ADGRB1: variants seen among roughly 807,000 people sequenced by gnomAD.
ADGRB1 encodes brain-specific angiogenesis inhibitor 1.
Under a neutral mutation model 175.7 loss-of-function variants are expected in ADGRB1, and 36 were observed. The ratio of observed to expected loss-of-function variants is 0.20; its 90% CI spans 0.16 to 0.27. The LOEUF is 0.27. Ranked by LOEUF, ADGRB1 falls within the 10% of genes least tolerant of loss-of-function variation. The pLI, the probability that ADGRB1 is intolerant of heterozygous loss-of-function variation, is 1.00. For missense variants in ADGRB1, 1,731 were observed against 2,255.3 expected (o/e 0.77, Z 4.71); for synonymous variants, 1,054 against 979.4 (o/e 1.08, Z -1.42).
intron 1 of ADGRB1, among the ~76,000 whole-genome samples, chr8:142,451,056 C>T (rs1167036026): frequency 6.6e-6 from 1 of 152,188 alleles, no homozygotes; most frequent in Non-Finnish European, 1.5e-5. Context: ...GCCCCCGCCC[C>T]CTCCTGGGGA....
chr8:142,493,002 C>T lies in ADGRB1; in HGVS notation c.2675+2187C>T, dbSNP rs1842054577. On this transcript the variant is annotated intron_variant, in intron 17 of 30. Transcript: ENST00000517894. This position sits in a 1 kb window ranked among gnomAD's most constrained non-coding sequence, Gnocchi z 5.0. ...GCCCCTGCTGGTGGCCTTCAGGAGC[C>T]TTCCCTCTCTACCAGCATAAATGCC... 6.6e-6 allele frequency among the ~76,000 whole-genome samples: 1 copy of T among 152,022 alleles called. No individual in the cohort carries two copies. Among genetic ancestry groups the T allele is most frequent in the African/African-American group, 2.4e-5 (1 of 41,408 alleles).
At chr8:142,451,691 G>A (rs9324592) in intron 1 of ADGRB1, among the ~76,000 whole-genome samples, 29,218 of 152,142 alleles carry the variant, frequency 0.19, 3,334 homozygotes, top group African/African-American at 0.3. Context: ...AGCCGCCGCG[G>A]GGGAACAGCA....
At chr8:142,491,158 G>T (rs1293844162) in intron 17 of ADGRB1, among the ~76,000 whole-genome samples, 1 of 152,246 alleles carries the variant, frequency 6.6e-6, no homozygotes. Flanking sequence ...AGGTCTGCAG[G>T]TGGGTGCCAG....
chr8:142,533,147 G>A (rs1587431203), intron 24 of ADGRB1, 148 bp from the exon 25 acceptor site: 1 of 899,598 alleles, frequency 1.1e-6, no homozygotes, highest in South Asian at 1.9e-5. Flanking sequence ...TCACCCCAGA[G>A]AGGAAGGGCT....
Position 142,477,281 on chromosome 8 carries a change from G to A in ADGRB1, c.1222+3G>A. ...CAACAACTCTGCCGTGTGCCCAGGT[G>A]GGTGGGACCTTGGGCTGGGGCAGCG... On this transcript the variant is annotated splice_donor_region_variant and intron_variant, in intron 5 of 30. Coordinates refer to ENST00000517894, the MANE Select transcript of ADGRB1 (RefSeq NM_001702.3). 3 of 1,535,302 alleles carry A rather than the reference G, an allele frequency of 2.0e-6. No individual in the cohort carries two copies. Among genetic ancestry groups the A allele is most frequent in the Non-Finnish European group, 2.6e-6 (3 of 1,132,574 alleles).
Position 142,475,644 on chromosome 8 carries a change from G to C in ADGRB1, c.946+9G>C. 1 of 1,228,470 alleles carries C rather than the reference G, an allele frequency of 8.1e-7. No individual in the cohort carries two copies. The highest frequency in any genetic ancestry group is 1.0e-6 in the Non-Finnish European group (1 of 985,758). The allele number at this position is 1,228,470 out of a possible 1,614,324, so 76.1% of individuals were successfully genotyped here. On this transcript the variant is annotated intron_variant, in intron 3 of 30. Transcript: ENST00000517894. ...CCGCGAGGCCTGCGGCCGTGAGTGCGGGCGGGGCGGGGCGGAGCCGGAGCC... is the reference window on the plus strand; with the variant it reads ...CCGCGAGGCCTGCGGCCGTGAGTGCCGGCGGGGCGGGGCGGAGCCGGAGCC...
intron 1 of ADGRB1, among the ~76,000 whole-genome samples, chr8:142,451,865 G>A (rs1306187307): frequency 6.6e-6 from 1 of 152,188 alleles, no homozygotes; most frequent in Non-Finnish European, 1.5e-5. Context: ...GAGGCAACGA[G>A]GGAGGTCGAG....
intron 26 of ADGRB1, among the ~76,000 whole-genome samples, chr8:142,538,688 G>A (rs1253855570): frequency 2.0e-5 from 3 of 152,188 alleles, no homozygotes; most frequent in Non-Finnish European, 4.4e-5. Context: ...GGTCTGGGCC[G>A]CCCACTCCTG....
At chr8:142,534,372 T>TCTCTGGGCAGAGTGAACAGAGGGG (rs1844809448) in intron 25 of ADGRB1, among the ~76,000 whole-genome samples, 1 of 152,166 alleles carries the variant, frequency 6.6e-6, no homozygotes, top group Non-Finnish European at 1.5e-5. Flanking sequence ...TGGGCCTCAC[T>TCTCTGGGCAGAGTGAACAGAGGGG]CTCTGGGCAG....
intron 2 of ADGRB1, among the ~76,000 whole-genome samples, chr8:142,473,268 G>A (rs953630682): frequency 6.6e-5 from 10 of 152,294 alleles, no homozygotes; most frequent in Middle Eastern, 3.4e-3. Flanking sequence ...GGGGGGTGCC[G>A]CAGGACGTGC....
chr8:142,476,934 C>T (rs1170807997), intron 4 of ADGRB1, among the ~76,000 whole-genome samples, 180 bp from the exon 5 acceptor site: 1 of 152,216 alleles, frequency 6.6e-6, no homozygotes, highest in Non-Finnish European at 1.5e-5. Flanking sequence ...CCTCAGGGCT[C>T]CCAGCCTTGT....
At chr8:142,485,954 C>G (rs1051062442) in intron 13 of ADGRB1, among the ~76,000 whole-genome samples, 1 of 152,192 alleles carries the variant, frequency 6.6e-6, no homozygotes, top group Non-Finnish European at 1.5e-5. Context: ...CAAGTATGCC[C>G]GCTGAGGTCT....
At position 142,542,037 on chromosome 8, in the gene ADGRB1, A is replaced by G; in HGVS notation, c.3803A>G (p.His1268Arg). The G allele has an allele frequency of 6.2e-7, 1 of 1,610,882 alleles. No individual in the cohort carries two copies. The highest frequency in any genetic ancestry group is 8.5e-7 in the Non-Finnish European group (1 of 1,179,218). Reference protein sequence around the residue: ...LPEEEKLKLAHAKGPPTNFNS... With the variant: ...LPEEEKLKLARAKGPPTNFNS... ...GAGGAGGAGAAGCTGAAGCTGGCCC[A>G]TGCCAAGGGGCCGCCCACCAATTTC... The change falls in exon 28 of 31, where the codon CAT becomes CGT. Residue 1268 changes from histidine to arginine, a missense_variant. By Grantham distance (29) the His-to-Arg change is conservative. Around this residue, in one of 8 missense-constraint regions of ADGRB1, gnomAD observed 301 missense variants for 488.4 expected, o/e 0.62. Transcript: ENST00000517894. This position sits in a 1 kb window ranked among gnomAD's most constrained non-coding sequence, Gnocchi z 6.3.
intron 21 of ADGRB1, among the ~76,000 whole-genome samples, chr8:142,522,395 G>C (rs1400756494): frequency 1.3e-5 from 2 of 152,176 alleles, no homozygotes; most frequent in African/African-American, 2.4e-5. Context: ...GATGATTCCT[G>C]ATTTCTCTGC....
rs186245905 is a variant in ADGRB1, at chr8:142,487,535, C to T, written c.2309-829C>T. ...CTACTGATGCGCATGCCCTCTCCTC[C>T]TCTCCCTGCCGCATCTTGGGCTGCA... On this transcript the variant is annotated intron_variant, in intron 13 of 30. Transcript: ENST00000517894. Among the ~76,000 whole-genome samples the T allele has an allele frequency of 8.5e-5, 13 of 152,340 alleles. No homozygotes were observed. The East Asian group carries it at 1.7e-3, about 20-fold the overall frequency.
At chr8:142,522,240 T>G in intron 21 of ADGRB1, 125 bp downstream of exon 21, 1 of 1,359,008 alleles carries the variant, frequency 7.4e-7, no homozygotes, top group East Asian at 2.4e-5. Context: ...GCTGCTTGGG[T>G]GGGCTTCCCC....
chr8:142,505,018 C>T (rs968059128), intron 17 of ADGRB1, among the ~76,000 whole-genome samples: 1 of 122,336 alleles, frequency 8.2e-6, no homozygotes, highest in Non-Finnish European at 1.6e-5. Flanking sequence ...GCTTCGTGGG[C>T]CGGCAGGAGG....
rs542216331 is a variant in ADGRB1 at position 142,490,810 on chromosome 8, G to C, written c.2670G>C (p.Thr890=). The C allele has an allele frequency of 2.5e-6, 4 of 1,582,996 alleles. No homozygotes were observed. Among genetic ancestry groups the C allele is most frequent in the Non-Finnish European group, 3.4e-6 (4 of 1,164,294 alleles). The change falls in exon 17 of 31, where the codon ACG becomes ACC. Residue 890 remains threonine, a synonymous_variant. Coordinates refer to ENST00000517894, the MANE Select transcript of ADGRB1 (RefSeq NM_001702.3). ...AGACCTGTATCCTGTGGGATGAGACGGATGTGTAAGTTCACTTGGATTTCA... is the reference window on the plus strand; with the variant it reads ...AGACCTGTATCCTGTGGGATGAGACCGATGTGTAAGTTCACTTGGATTTCA... ...TNQTCILWDE[T]DVPSSSAPPQ...
In ADGRB1 at chr8:142,493,842, C is replaced by T. The variant is rs1313204006; in HGVS notation, c.2675+3027C>T. 6.6e-6 allele frequency among the ~76,000 whole-genome samples: 1 copy of T among 152,228 alleles called. No individual in the cohort carries two copies. Among genetic ancestry groups the T allele is most frequent in the Non-Finnish European group, 1.5e-5 (1 of 68,038 alleles). On this transcript the variant is annotated intron_variant, in intron 17 of 30. Transcript: ENST00000517894. The surrounding 1 kb of genome is among the most constrained non-coding windows in gnomAD (Gnocchi z 5.0). ...TTCTGCCCCTCACCTCCCCTCCACTCTGAGTTGGATGGCACCTCCCTTGAC... is the reference window on the plus strand; with the variant it reads ...TTCTGCCCCTCACCTCCCCTCCACTTTGAGTTGGATGGCACCTCCCTTGAC...
Sources: gnomAD v4.1 joint callset for allele counts (sites outside exome capture counted in the v4.1 genomes callset) on GRCh38, gnomAD v4.1.1 for gene constraint, gnomAD v4.1.1 regional missense constraint, Gnocchi (gnomAD v3.1) non-coding constraint, MANE v1.5 for transcripts, NCBI Gene and HGNC (gene_info 2026-07-23, HGNC 2026-07-21) for gene names.